The following CNTNAP2 variants were observed in gnomAD, a reference collection of about 807,000 sequenced individuals.
CNTNAP2 encodes the protein contactin-associated protein-like 2.
A neutral mutation model predicts 155.2 loss-of-function variants in CNTNAP2; 98 were observed. That is an observed-to-expected ratio of 0.63 (90% CI 0.54 to 0.75). The LOEUF (loss-of-function observed/expected upper bound fraction) is 0.75. Ranked by LOEUF, CNTNAP2 falls within the 30% of genes least tolerant of loss-of-function variation. The pLI is 0.00. For synonymous variants in CNTNAP2, 651 were observed against 631.2 expected (o/e 1.03, Z -0.47); for missense variants, 1,727 against 1,688.1 (o/e 1.02, Z -0.40).
At chr7:148,183,475 C>CTTTTTTTTTTTTTTTT (rs71527885) in intron 18 of CNTNAP2, among the ~76,000 whole-genome samples, 1 of 82,258 alleles carries the variant, frequency 1.2e-5, no homozygotes. Context: ...TACTTATTTG[C>CTTTTTTTTTTTTTTTT]TTTTTTTTTT....
chr7:147,851,177 A>G (rs1239080695), intron 13 of CNTNAP2, among the ~76,000 whole-genome samples: 1 of 152,172 alleles, frequency 6.6e-6, no homozygotes, highest in Non-Finnish European at 1.5e-5. Context: ...AAAAATGCTC[A>G]TCATCACTGG....
intron 1 of CNTNAP2, among the ~76,000 whole-genome samples, chr7:146,325,594 C>T (rs1018645525): frequency 6.6e-6 from 1 of 151,868 alleles, no homozygotes. Flanking sequence ...ACACGCCCCC[C>T]TATACACACA....
At chr7:147,852,029 A>G (rs1798953496) in intron 13 of CNTNAP2, among the ~76,000 whole-genome samples, 1 of 152,148 alleles carries the variant, frequency 6.6e-6, no homozygotes, top group Non-Finnish European at 1.5e-5. Context: ...CTGGGTCCCA[A>G]AATATAGTTG....
intron 21 of CNTNAP2, among the ~76,000 whole-genome samples, chr7:148,326,063 T>TG (rs1343770304): frequency 5.3e-5 from 8 of 152,048 alleles, no homozygotes; most frequent in Non-Finnish European, 1.0e-4. Flanking sequence ...TACTGCCACG[T>TG]GGGGAGCTTT....
intron 10 of CNTNAP2, among the ~76,000 whole-genome samples, chr7:147,462,268 C>T (rs1264519131): frequency 1.3e-5 from 2 of 152,184 alleles, no homozygotes; most frequent in Non-Finnish European, 2.9e-5. Flanking sequence ...ACACTTCCTG[C>T]ATTGCACGGA....
At chr7:146,286,506 A>G (rs1326035151) in intron 1 of CNTNAP2, among the ~76,000 whole-genome samples, 1 of 152,140 alleles carries the variant, frequency 6.6e-6, no homozygotes, top group Non-Finnish European at 1.5e-5. Context: ...TTACCAAATC[A>G]TTAAGAACTT....
intron 1 of CNTNAP2, among the ~76,000 whole-genome samples, chr7:146,352,261 A>T (rs1450663771): frequency 6.6e-6 from 1 of 152,212 alleles, no homozygotes; most frequent in Non-Finnish European, 1.5e-5. Flanking sequence ...ATATAGCTGG[A>T]ATTAAAATAA....
chr7:146,886,126 CAAAACTGATTTTAA>C (rs1298602299), intron 3 of CNTNAP2, among the ~76,000 whole-genome samples: 1 of 151,878 alleles, frequency 6.6e-6, no homozygotes. Flanking sequence ...ACCCTGCAAT[CAAAACTGATTTTAA>C]AAGAGCATCT....
At chr7:148,077,264 G>T (rs539179610) in intron 15 of CNTNAP2, among the ~76,000 whole-genome samples, 1 of 150,956 alleles carries the variant, frequency 6.6e-6, no homozygotes, top group South Asian at 2.1e-4. Flanking sequence ...CCGAGATCAC[G>T]CCATTGCACT....
chr7:147,821,197 T>A (rs919585272), intron 13 of CNTNAP2, among the ~76,000 whole-genome samples: 79 of 152,274 alleles, frequency 5.2e-4, no homozygotes, highest in African/African-American at 1.8e-3. Flanking sequence ...CATGACTATA[T>A]TAATTATGAA....
At chr7:146,715,327 C>T (rs1801169013) in intron 1 of CNTNAP2, among the ~76,000 whole-genome samples, 1 of 152,022 alleles carries the variant, frequency 6.6e-6, no homozygotes, top group African/African-American at 2.4e-5. Context: ...AGCGAAACTC[C>T]ATCTCAAGAA....
intron 1 of CNTNAP2, among the ~76,000 whole-genome samples, chr7:146,680,166 A>G (rs1026362431): frequency 6.6e-6 from 1 of 152,164 alleles, no homozygotes; most frequent in Non-Finnish European, 1.5e-5. Flanking sequence ...ATGAGGACTT[A>G]AGGCTCAATG....
intron 20 of CNTNAP2, among the ~76,000 whole-genome samples, chr7:148,259,685 G>A (rs901058397): frequency 1.3e-4 from 20 of 152,288 alleles, no homozygotes; most frequent in East Asian, 9.7e-4. Context: ...TCCCCAAAGC[G>A]TAAACGGCTG....
At chr7:147,572,588 G>A (rs574943673) in intron 12 of CNTNAP2, among the ~76,000 whole-genome samples, 48 of 151,208 alleles carry the variant, frequency 3.2e-4, no homozygotes, top group Admixed American at 2.0e-3. Context: ...CTCAAAATCC[G>A]AGAAAGACTT....
chr7:147,095,178 C>T (rs564563517), intron 4 of CNTNAP2, among the ~76,000 whole-genome samples: 1 of 142,264 alleles, frequency 7.0e-6, no homozygotes, highest in Admixed American at 7.7e-5. Flanking sequence ...CACCACCACG[C>T]CTGGCTAATT....
At chr7:148,338,772 T>C (rs1487442288) in intron 21 of CNTNAP2, among the ~76,000 whole-genome samples, 1 of 151,828 alleles carries the variant, frequency 6.6e-6, no homozygotes, top group African/African-American at 2.4e-5. Flanking sequence ...CTGAAAAGTG[T>C]GGGATTTAAG....
At position 147,497,968 on chromosome 7, in the gene CNTNAP2, A is replaced by G. The variant is rs191271646; in HGVS notation, c.1777+11927A>G. Among the ~76,000 whole-genome samples the G allele has an allele frequency of 1.4e-4, 22 of 152,318 alleles. No homozygotes were observed. In the East Asian group the frequency reaches 3.7e-3, roughly 25 times the overall value. ...AAATAACATTTTCTGGACTTCCACA[A>G]GGGAGAGATTCTCAATAATAAGGAT... On this transcript the variant is annotated intron_variant, in intron 11 of 23. Coordinates refer to ENST00000361727, the MANE Select transcript of CNTNAP2 (RefSeq NM_014141.6).
At chr7:146,126,835 T>C (rs558974433) in intron 1 of CNTNAP2, among the ~76,000 whole-genome samples, 1 of 152,218 alleles carries the variant, frequency 6.6e-6, no homozygotes, top group Admixed American at 6.5e-5. Context: ...CCAGTCCTAA[T>C]GCTTAAATAT....
chr7:146,348,790 A>T (rs570740193), intron 1 of CNTNAP2, among the ~76,000 whole-genome samples: 3 of 149,276 alleles, frequency 2.0e-5, no homozygotes, highest in South Asian at 2.1e-4. Flanking sequence ...GATGTTTTTT[A>T]AAAAAATTCC....
Sources: allele counts gnomAD v4.1 joint callset (sites outside exome capture counted in the v4.1 genomes callset), GRCh38; gene constraint gnomAD v4.1.1; transcripts MANE v1.5; gene names NCBI Gene and HGNC (gene_info 2026-07-23, HGNC 2026-07-21).